GRB14: variants seen among roughly 807,000 people sequenced by gnomAD.
The protein encoded by GRB14 is growth factor receptor bound protein 14.
GRB14 carries 38 observed loss-of-function variants against 69.1 expected under a neutral mutation model. The observed-to-expected ratio is 0.55, with a 90% CI of 0.42 to 0.72. GRB14 has a LOEUF of 0.72. Ranked by LOEUF, GRB14 falls within the 30% of genes least tolerant of loss-of-function variation. GRB14 has a pLI of 0.00. For synonymous variants in GRB14, 247 were observed against 241.3 expected, an observed-to-expected ratio of 1.02 and a Z score of -0.22; for missense variants, 666 against 666.1, an observed-to-expected ratio of 1.00 and a Z score of 0.00.
At chr2:164,516,508 A>G (rs1453128804) in intron 6 of GRB14, among the ~76,000 whole-genome samples, 1 of 151,908 alleles carries the variant, frequency 6.6e-6, no homozygotes, top group East Asian at 1.9e-4. Flanking sequence ...AAAAAAGAAA[A>G]CCTACCAGAT....
intron 6 of GRB14, among the ~76,000 whole-genome samples, chr2:164,511,255 C>A (rs930297733): frequency 6.6e-6 from 1 of 152,216 alleles, no homozygotes; most frequent in Non-Finnish European, 1.5e-5. Context: ...GGAGGGCACA[C>A]AAGCTGGTGA....
intron 12 of GRB14, among the ~76,000 whole-genome samples, chr2:164,495,707 G>A (rs1686874974): frequency 6.6e-6 from 1 of 152,174 alleles, no homozygotes. Flanking sequence ...CATTTGTGCT[G>A]TGTGAGATTC....
chr2:164,552,277 T>C (rs1421403137), intron 2 of GRB14, among the ~76,000 whole-genome samples: 2 of 152,212 alleles, frequency 1.3e-5, no homozygotes, highest in African/African-American at 4.8e-5. Context: ...AAAGTCTCTC[T>C]TTATTCATAA....
rs554493951 is a variant in GRB14 at position 164,553,055 on chromosome 2, C to T, written c.325-5239G>A. Among the ~76,000 whole-genome samples, 9 of 152,332 alleles carry T rather than the reference C, an allele frequency of 5.9e-5. No individual in the cohort carries two copies. The South Asian group carries it at 1.4e-3, about 25-fold the overall frequency. On this transcript the variant is annotated intron_variant, in intron 2 of 13. Transcript: ENST00000263915. ...TTGCTGAAAATGTTCTCTGCACCTC[C>T]TGACTACCCCCATATGTTTTCCTAC...
chr2:164,616,407 C>T (rs539939160), intron 2 of GRB14, among the ~76,000 whole-genome samples: 2 of 113,496 alleles, frequency 1.8e-5, no homozygotes, highest in South Asian at 5.4e-4. Context: ...GCCTGGGCGA[C>T]AGAGCGAGAC....
chr2:164,537,577 G>A (rs557502260), intron 3 of GRB14, among the ~76,000 whole-genome samples: 1 of 152,186 alleles, frequency 6.6e-6, no homozygotes, highest in Non-Finnish European at 1.5e-5. Context: ...TCTGCATTCA[G>A]ATGGATAATG....
At chr2:164,540,897 G>A (rs2105303708) in intron 3 of GRB14, among the ~76,000 whole-genome samples, 1 of 152,320 alleles carries the variant, frequency 6.6e-6, no homozygotes, top group African/African-American at 2.4e-5. Flanking sequence ...GAGAAGGCAA[G>A]AGGAGTTACT....
At chr2:164,517,562 T>A (rs1687524411) in intron 6 of GRB14, among the ~76,000 whole-genome samples, 2 of 152,122 alleles carry the variant, frequency 1.3e-5, no homozygotes, top group Admixed American at 1.3e-4. Context: ...ACTTAAAAGA[T>A]ACAGAATGGA....
intron 2 of GRB14, among the ~76,000 whole-genome samples, chr2:164,606,365 C>G (rs1690040734): frequency 6.6e-6 from 1 of 152,176 alleles, no homozygotes; most frequent in Non-Finnish European, 1.5e-5. Context: ...CTTAAAATTA[C>G]ATCCTTCAAC....
intron 2 of GRB14, among the ~76,000 whole-genome samples, chr2:164,597,224 T>A (rs1558876680): frequency 6.6e-6 from 1 of 152,158 alleles, no homozygotes; most frequent in Admixed American, 6.5e-5. Flanking sequence ...ACACTTACCA[T>A]ATACAATATA....
At chr2:164,558,158 C>A (rs1283847242) in intron 2 of GRB14, among the ~76,000 whole-genome samples, 1 of 152,142 alleles carries the variant, frequency 6.6e-6, no homozygotes, top group African/African-American at 2.4e-5. Context: ...TATCCTCCTA[C>A]TCTATTATTT....
At chr2:164,528,495 G>T (rs1687839046) in intron 3 of GRB14, among the ~76,000 whole-genome samples, 1 of 152,038 alleles carries the variant, frequency 6.6e-6, no homozygotes, top group Non-Finnish European at 1.5e-5. Flanking sequence ...CCAAACTCTT[G>T]AAAGTAATAT....
In GRB14 at chr2:164,579,004, G is replaced by A. The variant is rs76653309; in HGVS notation, c.325-31188C>T. Among the ~76,000 whole-genome samples the A allele has an allele frequency of 4.4e-3, 661 of 151,950 alleles. 2 individuals carry two copies. Among genetic ancestry groups the A allele is most frequent in the Non-Finnish European group, 6.6e-3 (450 of 67,984 alleles). On this transcript the variant is annotated intron_variant, in intron 2 of 13. Transcript: ENST00000263915. ...TAAGAGAACTAAAGTATGGACTAAC[G>A]AAGAACTGTTAAAACACAGTGTCCA...
intron 2 of GRB14, among the ~76,000 whole-genome samples, chr2:164,561,659 G>A (rs1688832141): frequency 6.6e-6 from 1 of 152,148 alleles, no homozygotes; most frequent in Admixed American, 6.6e-5. Flanking sequence ...CAGAGGCCCG[G>A]ACCTCTGTCC....
At chr2:164,619,846 T>A (rs1220397903) in intron 1 of GRB14, 27 bp from the exon 2 acceptor site, 1 of 1,580,156 alleles carries the variant, frequency 6.3e-7, no homozygotes. Context: ...TAGGATGTAA[T>A]TTACATAAAA....
chr2:164,549,696 C>A (rs1688479367), intron 2 of GRB14, among the ~76,000 whole-genome samples: 1 of 151,776 alleles, frequency 6.6e-6, no homozygotes. Flanking sequence ...AACCCCATCT[C>A]CACTAAAAAT....
chr2:164,620,936 G>C (rs1285175183), intron 1 of GRB14, among the ~76,000 whole-genome samples, 183 bp downstream of exon 1: 1 of 152,184 alleles, frequency 6.6e-6, no homozygotes, highest in Non-Finnish European at 1.5e-5. Context: ...CTATTTATAA[G>C]GCGCTGTGAG....
intron 3 of GRB14, among the ~76,000 whole-genome samples, chr2:164,546,229 G>C (rs1478764680): frequency 6.6e-6 from 1 of 151,982 alleles, no homozygotes; most frequent in Admixed American, 6.6e-5. Flanking sequence ...AAATTTCTAG[G>C]CTTGTTTCTA....
At chr2:164,533,243 T>C (rs1687995302) in intron 3 of GRB14, among the ~76,000 whole-genome samples, 1 of 136,292 alleles carries the variant, frequency 7.3e-6, no homozygotes, top group South Asian at 2.5e-4. Flanking sequence ...TTTTTTTTTT[T>C]TTTTTTTGAG....
Sources: allele counts gnomAD v4.1 joint callset (sites outside exome capture counted in the v4.1 genomes callset), GRCh38; gene constraint gnomAD v4.1.1; transcripts MANE v1.5; gene names NCBI Gene and HGNC (gene_info 2026-07-23, HGNC 2026-07-21).